EFL1: variants seen among roughly 807,000 people sequenced by gnomAD.
EFL1 encodes the protein elongation factor-like GTPase 1.
EFL1 carries 76 observed loss-of-function variants against 126.7 expected under a neutral mutation model. The ratio of observed to expected loss-of-function variants is 0.60; its 90% CI spans 0.50 to 0.73. The LOEUF is 0.73. Ranked by LOEUF, EFL1 falls within the 30% of genes least tolerant of loss-of-function variation. The pLI, the probability that EFL1 is intolerant of heterozygous loss-of-function variation, is 0.00. For missense variants in EFL1, 1,128 were observed against 1,343.2 expected (o/e 0.84, Z 2.50); for synonymous variants, 410 against 448.4 (o/e 0.91, Z 1.08).
chr15:82,163,462 A>G, intron 16 of EFL1, among the ~76,000 whole-genome samples: 1 of 152,114 alleles, frequency 6.6e-6, no homozygotes, highest in East Asian at 1.9e-4. Context: ...AATCGCTTGA[A>G]CCCAGGCAGC....
At chr15:82,183,082 C>G (rs190781819) in intron 15 of EFL1, among the ~76,000 whole-genome samples, 10 of 152,250 alleles carry the variant, frequency 6.6e-5, no homozygotes, top group Admixed American at 1.3e-4. Flanking sequence ...TGACAGCCCA[C>G]CTGATACCGA....
intron 19 of EFL1, among the ~76,000 whole-genome samples, chr15:82,134,334 C>CAG (rs2073696734): frequency 6.6e-6 from 1 of 151,628 alleles, no homozygotes; most frequent in Non-Finnish European, 1.5e-5. Context: ...CTCCAGGCCA[C>CAG]AGAGAGGGGC....
chr15:82,173,286 T>TA (rs930855603), intron 15 of EFL1, among the ~76,000 whole-genome samples: 2 of 151,766 alleles, frequency 1.3e-5, no homozygotes, highest in Non-Finnish European at 2.9e-5. Context: ...GTTTAAAAAT[T>TA]AAAAAAAATA....
At chr15:82,132,869 T>C (rs2073673344) in intron 19 of EFL1, among the ~76,000 whole-genome samples, 1 of 152,150 alleles carries the variant, frequency 6.6e-6, no homozygotes, top group East Asian at 1.9e-4. Context: ...AGAGACTCAA[T>C]TCTGATTCAC....
chr15:82,175,259 C>T (rs987211821), intron 15 of EFL1, among the ~76,000 whole-genome samples: 1 of 152,150 alleles, frequency 6.6e-6, no homozygotes, highest in Admixed American at 6.5e-5. Context: ...GACTATGACA[C>T]TGATACAGCT....
chr15:82,196,578 A>G (rs1311781796), intron 15 of EFL1, among the ~76,000 whole-genome samples: 1 of 152,222 alleles, frequency 6.6e-6, no homozygotes, highest in Non-Finnish European at 1.5e-5. Context: ...AAATCCTTTC[A>G]GTTTTTTAAT....
intron 19 of EFL1, among the ~76,000 whole-genome samples, chr15:82,137,935 C>G (rs1334706576): frequency 6.6e-6 from 1 of 152,178 alleles, no homozygotes; most frequent in Non-Finnish European, 1.5e-5. Flanking sequence ...GACAGCTGGT[C>G]TGACCTTATC....
intron 15 of EFL1, among the ~76,000 whole-genome samples, chr15:82,201,935 C>G (rs1396320595): frequency 6.6e-6 from 1 of 150,824 alleles, no homozygotes; most frequent in Non-Finnish European, 1.5e-5. Flanking sequence ...ACTCCTCCTT[C>G]TCCAAAATGT....
intron 19 of EFL1, among the ~76,000 whole-genome samples, chr15:82,133,443 G>C (rs1201657083): frequency 6.6e-6 from 1 of 152,190 alleles, no homozygotes; most frequent in Non-Finnish European, 1.5e-5. Flanking sequence ...AGACTGCCAT[G>C]AAGACTGAGT....
At chr15:82,219,234 G>A (rs926902982) in intron 14 of EFL1, among the ~76,000 whole-genome samples, 1 of 152,188 alleles carries the variant, frequency 6.6e-6, no homozygotes, top group Non-Finnish European at 1.5e-5. Flanking sequence ...CTCAGGGTCT[G>A]TGTGCCATGC....
intron 15 of EFL1, among the ~76,000 whole-genome samples, chr15:82,213,160 T>G (rs2141294769): frequency 6.6e-6 from 1 of 152,344 alleles, no homozygotes; most frequent in South Asian, 2.1e-4. Flanking sequence ...AATCTGGCTT[T>G]TCCTCTTCAA....
chr15:82,235,031 G>A (rs1248450174), intron 7 of EFL1, among the ~76,000 whole-genome samples: 1 of 152,114 alleles, frequency 6.6e-6, no homozygotes, highest in Non-Finnish European at 1.5e-5. Context: ...AAATTCGGGA[G>A]AGGCAATAAG....
At chr15:82,253,998 C>T (rs1006983719) in intron 3 of EFL1, among the ~76,000 whole-genome samples, 11 of 152,202 alleles carry the variant, frequency 7.2e-5, no homozygotes, top group Non-Finnish European at 1.5e-4. Context: ...TCCTTTCTTT[C>T]ATTCAAAAGC....
At position 82,157,811 on chromosome 15, in the gene EFL1, A is replaced by C. The variant is rs1293526676; in HGVS notation, c.1932T>G (p.Asp644Glu). ...VKGMKLLNQA[D>E]PCVQILIQET... is the part of the protein sequence containing the mutation. ...CCTGAATTAAAATCTGGACACAGGG[A>C]TCAGCCTGGTTTAACAGTTTCATTC... Residue 644 changes from aspartate to glutamate, a missense_variant, in exon 17 of 20, where the codon GAT (aspartate) becomes GAG (glutamate). By Grantham distance (45) the Asp-to-Glu change is conservative (BLOSUM62 2). Coordinates refer to ENST00000268206, the MANE Select transcript of EFL1 (RefSeq NM_024580.6). 9.3e-6 allele frequency: 15 copies of C among 1,614,120 alleles called. No individual in the cohort carries two copies. The highest frequency in any genetic ancestry group is 1.3e-5 in the Non-Finnish European group (15 of 1,179,970).
At position 82,238,308 on chromosome 15, in the gene EFL1, C is replaced by A; in HGVS notation, c.730G>T (p.Gly244Ter). 1 of 1,613,900 alleles carries A rather than the reference C, an allele frequency of 6.2e-7. No homozygotes were observed. Among genetic ancestry groups the A allele is most frequent in the Non-Finnish European group, 8.5e-7 (1 of 1,179,974 alleles). ...TTAATCAGATGCAAACAGACTTACC[C>A]AAAGCCCCACCCATCTATTGCACTG... ...FTSAIDGWGF[G>*]IEHFARIYSQ... The change falls in exon 7 of 20, where the codon GGA becomes TGA. Residue 244 changes from glycine to a stop codon, truncating the protein, a stop_gained and splice_region_variant. Coordinates refer to ENST00000268206, the MANE Select transcript of EFL1 (RefSeq NM_024580.6). LOFTEE classifies it high-confidence loss of function.
At chr15:82,148,377 CAAAA>C (rs547889990) in intron 18 of EFL1, among the ~76,000 whole-genome samples, 1 of 94,338 alleles carries the variant, frequency 1.1e-5, no homozygotes, top group Non-Finnish European at 2.2e-5. Flanking sequence ...GAATCCATCT[CAAAA>C]AAAAAAAAAA....
At chr15:82,150,035 T>C (rs942413775) in intron 18 of EFL1, among the ~76,000 whole-genome samples, 2 of 152,222 alleles carry the variant, frequency 1.3e-5, no homozygotes, top group African/African-American at 4.8e-5. Flanking sequence ...ATAGTCTAGA[T>C]TGGTGTTTCC....
At chr15:82,137,555 A>T (rs191921710) in intron 19 of EFL1, among the ~76,000 whole-genome samples, 214 of 152,318 alleles carry the variant, frequency 1.4e-3, no homozygotes, top group African/African-American at 4.8e-3. Flanking sequence ...GGGGTGAAGA[A>T]AACTCAGGGA....
chr15:82,151,484 CATG>C lies in EFL1; in HGVS notation c.2967_2969del (p.Ile989del). 6.2e-7 allele frequency: 1 copy of C among 1,610,632 alleles called. No homozygotes were observed. Among genetic ancestry groups the C allele is most frequent in the Non-Finnish European group, 8.5e-7 (1 of 1,178,712 alleles). On this transcript the variant is annotated inframe_deletion, in exon 18 of 20. Coordinates refer to ENST00000268206, the MANE Select transcript of EFL1 (RefSeq NM_024580.6). ...CCTTACCGAGAACATCACCAGTGGC[CATG>C]ATGTCACATGTGTACATAGCTGCCA...
Sources: gnomAD v4.1 joint callset for allele counts (sites outside exome capture counted in the v4.1 genomes callset) on GRCh38, gnomAD v4.1.1 for gene constraint, MANE v1.5 for transcripts, NCBI Gene and HGNC (gene_info 2026-07-23, HGNC 2026-07-21) for gene names.